ATXN7L1: variants seen among roughly 807,000 people sequenced by gnomAD.
ATXN7L1 encodes ataxin-7-like protein 1.
Under a neutral mutation model 70.8 loss-of-function variants are expected in ATXN7L1, and 15 were observed. That is an observed-to-expected ratio of 0.21 (90% CI 0.14 to 0.33). The LOEUF (loss-of-function observed/expected upper bound fraction) is 0.33, where lower values mean the gene tolerates loss of function less well. Ranked by LOEUF, ATXN7L1 falls within the 10% of genes least tolerant of loss-of-function variation. The probability of loss-of-function intolerance (pLI) is 1.00; values close to 1 mark genes in which losing one functional copy is unlikely to be tolerated. For missense variants in ATXN7L1, 975 were observed against 1,097.1 expected (o/e 0.89, Z 1.57); for synonymous variants, 440 against 445.1 (o/e 0.99, Z 0.14).
chr7:105,789,004 T>C (rs1430412213), intron 2 of ATXN7L1, among the ~76,000 whole-genome samples: 1 of 152,196 alleles, frequency 6.6e-6, no homozygotes, highest in Non-Finnish European at 1.5e-5. Flanking sequence ...AATCACCCTG[T>C]CCTGAGAGAA....
At chr7:105,746,167 C>T (rs1168471510) in intron 3 of ATXN7L1, among the ~76,000 whole-genome samples, 2 of 152,180 alleles carry the variant, frequency 1.3e-5, no homozygotes, top group Non-Finnish European at 2.9e-5. Flanking sequence ...CAGGCTGATA[C>T]AGGCCACCAG....
At chr7:105,739,094 GGC>G (rs938013859) in intron 3 of ATXN7L1, among the ~76,000 whole-genome samples, 22 of 152,170 alleles carry the variant, frequency 1.4e-4, no homozygotes, top group African/African-American at 5.3e-4. Flanking sequence ...AACTGAGCTA[GGC>G]AAGGGAGATG....
chr7:105,724,505 C>T (rs1451429637), intron 3 of ATXN7L1, among the ~76,000 whole-genome samples: 2 of 142,490 alleles, frequency 1.4e-5, no homozygotes, highest in Non-Finnish European at 3.0e-5. Flanking sequence ...ACCCAGGAAG[C>T]AGAGGCTGCA....
rs71155465 is a variant in ATXN7L1, at chr7:105,657,702, C to CAAAAAAAAAA, written c.578+7354_578+7363dup. ...TGGGTGACAGAGTGAGACCCTGTCT[C>CAAAAAAAAAA]AAAAAAAAAAAAAAAAAAAAAAAAA... is the stretch of plus-strand genomic sequence containing the variant. On this transcript the variant is annotated intron_variant, in intron 4 of 11. Coordinates refer to ENST00000419735, the MANE Select transcript of ATXN7L1 (RefSeq NM_020725.2). Among the ~76,000 whole-genome samples, 13 of 26,110 alleles carry CAAAAAAAAAA rather than the reference C, an allele frequency of 5.0e-4. 1 individual carries two copies. Among genetic ancestry groups the CAAAAAAAAAA allele is most frequent in the African/African-American group, 1.2e-3 (7 of 5,954 alleles). 17.1% of individuals were successfully genotyped at this position (26,110 alleles called of 152,430 possible). A position where few individuals can be genotyped will look rare whatever the true frequency, so the allele number is the denominator to read the frequency against.
At chr7:105,742,373 A>C (rs1347955295) in intron 3 of ATXN7L1, among the ~76,000 whole-genome samples, 1 of 152,256 alleles carries the variant, frequency 6.6e-6, no homozygotes, top group African/African-American at 2.4e-5. Context: ...TCAGTACAAT[A>C]GGCAATAACC....
At chr7:105,696,276 T>C (rs1010693554) in intron 3 of ATXN7L1, among the ~76,000 whole-genome samples, 3 of 152,222 alleles carry the variant, frequency 2.0e-5, no homozygotes, top group Non-Finnish European at 4.4e-5. Flanking sequence ...TGCTAGTGAA[T>C]ACTCACTCTC....
intron 2 of ATXN7L1, among the ~76,000 whole-genome samples, chr7:105,815,467 C>T (rs1809048485): frequency 6.6e-6 from 1 of 152,172 alleles, no homozygotes; most frequent in Non-Finnish European, 1.5e-5. Flanking sequence ...TGGCACTGGG[C>T]TTTTCATTAG....
At chr7:105,661,744 G>A (rs950682229) in intron 4 of ATXN7L1, among the ~76,000 whole-genome samples, 1 of 152,172 alleles carries the variant, frequency 6.6e-6, no homozygotes, top group Non-Finnish European at 1.5e-5. Context: ...GTTCCTGGAC[G>A]TGTTGGGTAA....
intron 10 of ATXN7L1, among the ~76,000 whole-genome samples, chr7:105,613,039 T>C (rs905469896): frequency 6.6e-6 from 1 of 152,100 alleles, no homozygotes; most frequent in African/African-American, 2.4e-5. Flanking sequence ...CTTCCCCACG[T>C]CTGCTCCCTC....
At chr7:105,612,872 A>G (rs557958574) in intron 10 of ATXN7L1, among the ~76,000 whole-genome samples, 130 of 152,322 alleles carry the variant, frequency 8.5e-4, no homozygotes, top group African/African-American at 3.0e-3. Context: ...ATTGCTCCAA[A>G]GTCCTCAGGT....
chr7:105,665,277 C>G lies in ATXN7L1; in HGVS notation c.367G>C (p.Gly123Arg). 1 of 1,551,244 alleles carries G rather than the reference C, an allele frequency of 6.4e-7. No homozygotes were observed. The highest frequency in any genetic ancestry group is 8.7e-7 in the Non-Finnish European group (1 of 1,146,826). The change falls in exon 4 of 12, where the codon GGT becomes CGT. Residue 123 changes from glycine to arginine, a missense_variant. This residue lies in a region of ATXN7L1 where 192 missense variants were observed against 215.5 expected (regional missense o/e 0.89). Coordinates refer to ENST00000419735, the MANE Select transcript of ATXN7L1 (RefSeq NM_020725.2). The part of the protein sequence containing the change: ...VFQSHCERRH[G>R]SMCRPSPSPV... ...GAGGGAGAAGGTCTACACATTGAAC[C>G]GTGTCTTCTCTCTACAGGGGCAGAA...
chr7:105,618,209 C>G (rs556501300), intron 9 of ATXN7L1: 6 of 369,986 alleles, frequency 1.6e-5, no homozygotes, highest in Admixed American at 1.3e-4. Flanking sequence ...ACACAGGGAG[C>G]AAAGAGCTGC....
At chr7:105,659,136 CA>C (rs113609309) in intron 4 of ATXN7L1, among the ~76,000 whole-genome samples, 348 of 149,864 alleles carry the variant, frequency 2.3e-3, no homozygotes, top group African/African-American at 8.1e-3. Flanking sequence ...GACTCCGACT[CA>C]AAAAAAAAAT....
chr7:105,825,928 T>C (rs1324570934), intron 2 of ATXN7L1, among the ~76,000 whole-genome samples: 1 of 151,998 alleles, frequency 6.6e-6, no homozygotes, highest in Non-Finnish European at 1.5e-5. Flanking sequence ...GGAGAAGCCA[T>C]AGGGAAGGGA....
chr7:105,622,223 A>T (rs1188859527), intron 8 of ATXN7L1, among the ~76,000 whole-genome samples: 1 of 152,228 alleles, frequency 6.6e-6, no homozygotes, highest in Non-Finnish European at 1.5e-5. Context: ...CATTAAGGGC[A>T]CACAGCTGCG....
chr7:105,766,186 C>T (rs1801226331), intron 3 of ATXN7L1, among the ~76,000 whole-genome samples: 1 of 150,286 alleles, frequency 6.7e-6, no homozygotes, highest in Non-Finnish European at 1.5e-5. Flanking sequence ...CCCTCTTCTG[C>T]CTATTGCATC....
At chr7:105,678,007 G>C (rs1804967144) in intron 3 of ATXN7L1, 1 of 985,206 alleles carries the variant, frequency 1.0e-6, no homozygotes, top group Non-Finnish European at 1.2e-6. Flanking sequence ...GTTCTCCTTG[G>C]AGTGGCAGTT....
intron 2 of ATXN7L1, among the ~76,000 whole-genome samples, chr7:105,817,987 G>C (rs1809451286): frequency 6.6e-6 from 1 of 152,040 alleles, no homozygotes; most frequent in African/African-American, 2.4e-5. Context: ...TCTTATTTTT[G>C]ATGTTTTTGG....
chr7:105,637,641 C>T (rs1797583941), intron 7 of ATXN7L1, among the ~76,000 whole-genome samples: 1 of 152,334 alleles, frequency 6.6e-6, no homozygotes, highest in African/African-American at 2.4e-5. Context: ...AATTGAGCTT[C>T]TGCCCATCAA....
Sources: gnomAD v4.1 joint callset for allele counts (sites outside exome capture counted in the v4.1 genomes callset) on GRCh38, gnomAD v4.1.1 for gene constraint, gnomAD v4.1.1 regional missense constraint, MANE v1.5 for transcripts, NCBI Gene and HGNC (gene_info 2026-07-23, HGNC 2026-07-21) for gene names.